The following CCDC30 variants were observed in gnomAD, a reference collection of about 807,000 sequenced individuals.
CCDC30 encodes the protein coiled-coil domain-containing protein 30.
CCDC30 carries 70 observed loss-of-function variants against 100.2 expected under a neutral mutation model. That is an observed-to-expected ratio of 0.70 (90% confidence interval 0.58 to 0.85). CCDC30 has a LOEUF of 0.85. CCDC30 is among the 40% of genes least tolerant of loss of function. The pLI is 0.00. For missense variants in CCDC30, 652 were observed against 771.2 expected (o/e 0.85, Z 1.83); for synonymous variants, 233 against 269.5 (o/e 0.86, Z 1.33).
intron 11 of CCDC30, among the ~76,000 whole-genome samples, chr1:42,634,249 C>CAAAAAAAAAAAAAAA (rs754829759): frequency 8.7e-6 from 1 of 115,316 alleles, no homozygotes; most frequent in Non-Finnish European, 1.8e-5. Context: ...AAGACTGTCT[C>CAAAAAAAAAAAAAAA]AAAAAAAAAA....
rs898005082 is a variant in CCDC30 at position 42,586,196 on chromosome 1, G to A, written c.1002-3125G>A. ...TAGTATGGAGGACCACTTTGAGGAAGTGAAAAAGTTCATTGGCTGAAAGAA... is the reference window on the plus strand; with the variant it reads ...TAGTATGGAGGACCACTTTGAGGAAATGAAAAAGTTCATTGGCTGAAAGAA... On this transcript the variant is annotated intron_variant, in intron 9 of 16. Transcript: ENST00000668663. Among the ~76,000 whole-genome samples the A allele has an allele frequency of 7.2e-5, 11 of 152,332 alleles. No individual in the cohort carries two copies. In the East Asian group the frequency reaches 2.1e-3, roughly 29 times the overall value.
At chr1:42,519,187 T>C (rs1216684803) in intron 6 of CCDC30, among the ~76,000 whole-genome samples, 1 of 152,224 alleles carries the variant, frequency 6.6e-6, no homozygotes, top group Non-Finnish European at 1.5e-5. Flanking sequence ...AATTTGCTAG[T>C]ATATTGTTGA....
intron 6 of CCDC30, chr1:42,500,377 G>C: frequency 7.2e-7 from 1 of 1,396,646 alleles, no homozygotes; most frequent in Non-Finnish European, 1.0e-6. Flanking sequence ...GCGTGAGAAC[G>C]AGCGAAGTCT....
chr1:42,536,426 GA>G, intron 6 of CCDC30, 49 bp from the exon 7 acceptor site: 1 of 1,153,650 alleles, frequency 8.7e-7, no homozygotes, highest in East Asian at 2.7e-5. Context: ...GAATTTGTAG[GA>G]AACACTGCTA....
At chr1:42,492,938 C>A (rs1180060709) in intron 4 of CCDC30, among the ~76,000 whole-genome samples, 1 of 151,966 alleles carries the variant, frequency 6.6e-6, no homozygotes, top group Non-Finnish European at 1.5e-5. Context: ...AGCCACCGCA[C>A]CCGGCCTAAA....
chr1:42,614,788 A>G (rs530213691), intron 11 of CCDC30, among the ~76,000 whole-genome samples: 2,240 of 105,784 alleles, frequency 0.021, 53 homozygotes, highest in African/African-American at 0.064. Context: ...CTCCATCTCG[A>G]AAAAAAAAAA....
chr1:42,581,280 T>G (rs1645960064), intron 8 of CCDC30, 80 bp from the exon 13 acceptor site: 1 of 1,043,840 alleles, frequency 9.6e-7, no homozygotes, highest in Admixed American at 2.3e-5. Flanking sequence ...CTATGTTTGC[T>G]ATTTATATGT....
intron 11 of CCDC30, among the ~76,000 whole-genome samples, chr1:42,623,483 G>A (rs186037171): frequency 1.7e-3 from 256 of 152,224 alleles, no homozygotes; most frequent in African/African-American, 5.9e-3. Context: ...ACCATTTATT[G>A]AAGAGACTAT....
chr1:42,656,496 T>C (rs1648663566), downstream of CCDC30, among the ~76,000 whole-genome samples: 1 of 152,098 alleles, frequency 6.6e-6, no homozygotes, highest in Non-Finnish European at 1.5e-5. Context: ...CCGGGTATGG[T>C]GGTGCACACC....
intron 11 of CCDC30, among the ~76,000 whole-genome samples, chr1:42,614,167 A>G (rs1646679886): frequency 7.0e-6 from 1 of 142,088 alleles, no homozygotes; most frequent in Non-Finnish European, 1.5e-5. Flanking sequence ...TGCAAGCTCC[A>G]CCTCCTGGGT....
intron 6 of CCDC30, among the ~76,000 whole-genome samples, chr1:42,546,468 TA>T (rs1645147358): frequency 1.4e-5 from 2 of 142,314 alleles, no homozygotes; most frequent in Non-Finnish European, 3.1e-5. Flanking sequence ...GATATATATA[TA>T]TCCTTTTATT....
chr1:42,581,300 A>T (rs1201272291), intron 8 of CCDC30, 60 bp from the exon 13 acceptor site: 1 of 1,341,136 alleles, frequency 7.5e-7, no homozygotes, highest in African/African-American at 1.5e-5. Flanking sequence ...TTATTCCCCT[A>T]ATTTGAAAAA....
intron 12 of CCDC30, among the ~76,000 whole-genome samples, chr1:42,641,848 C>T (rs543136775): frequency 6.6e-6 from 1 of 151,754 alleles, no homozygotes; most frequent in Admixed American, 6.6e-5. Context: ...AAGCAAGACT[C>T]CATGTCAAAA....
chr1:42,529,782 A>T (rs1644779375), intron 6 of CCDC30: 2 of 152,344 alleles, frequency 1.3e-5, no homozygotes, highest in East Asian at 1.9e-4. Flanking sequence ...GTAATATGCT[A>T]TTCCTGGCAT....
intron 11 of CCDC30, among the ~76,000 whole-genome samples, chr1:42,612,691 G>A (rs2148644433): frequency 1.3e-5 from 2 of 152,182 alleles, no homozygotes; most frequent in South Asian, 4.1e-4. Flanking sequence ...GGTACAAACT[G>A]CCATGAAACT....
chr1:42,655,628 A>T, downstream of CCDC30, among the ~76,000 whole-genome samples: 1 of 152,188 alleles, frequency 6.6e-6, no homozygotes. Context: ...GTATGAGAAG[A>T]GAGTTCACAT....
intron 10 of CCDC30, among the ~76,000 whole-genome samples, chr1:42,595,995 T>G (rs1646280168): frequency 6.6e-6 from 1 of 152,234 alleles, no homozygotes. Context: ...AAGTTGTCAC[T>G]GTGTCCTGAC....
At chr1:42,620,792 A>G (rs1189891349) in intron 11 of CCDC30, among the ~76,000 whole-genome samples, 1 of 152,192 alleles carries the variant, frequency 6.6e-6, no homozygotes, top group Non-Finnish European at 1.5e-5. Context: ...CATCTATTAC[A>G]AAGGATATTA....
intron 6 of CCDC30, among the ~76,000 whole-genome samples, chr1:42,559,286 C>T (rs1248329087): frequency 6.6e-6 from 1 of 152,178 alleles, no homozygotes; most frequent in Non-Finnish European, 1.5e-5. Flanking sequence ...AAGATTCACA[C>T]ATAACAATAC....
Sources: gnomAD v4.1 joint callset for allele counts (sites outside exome capture counted in the v4.1 genomes callset) on GRCh38, gnomAD v4.1.1 for gene constraint, MANE v1.5 for transcripts, NCBI Gene and HGNC (gene_info 2026-07-23, HGNC 2026-07-21) for gene names.